Variants in RERE observed in about 807,000 individuals in gnomAD.
RERE encodes arginine-glutamic acid dipeptide repeats protein.
In RERE, 40 loss-of-function variants were observed where a neutral mutation model predicts 146.1. The observed-to-expected ratio is 0.27, with a 90% CI of 0.21 to 0.36. RERE has a LOEUF of 0.36. Ranked by LOEUF, RERE falls within the 10% of genes least tolerant of loss-of-function variation. RERE has a pLI of 1.00. For missense variants in RERE, 1,933 were observed against 2,138.7 expected (o/e 0.90, Z 1.90); for synonymous variants, 1,003 against 866.0 (o/e 1.16, Z -2.78).
At chr1:8,545,277 G>A (rs140331227) in intron 6 of RERE, among the ~76,000 whole-genome samples, 1 of 152,290 alleles carries the variant, frequency 6.6e-6, no homozygotes, top group African/African-American at 2.4e-5. Flanking sequence ...TCATTCAACA[G>A]TAAAAAAGGC....
chr1:8,690,421 T>C (rs889567163), intron 1 of RERE, among the ~76,000 whole-genome samples: 1 of 152,158 alleles, frequency 6.6e-6, no homozygotes, highest in African/African-American at 2.4e-5. Context: ...GGCTTGAACA[T>C]AGGAATTTTG....
At chr1:8,379,743 G>A (rs1177516326) in intron 12 of RERE, among the ~76,000 whole-genome samples, 4 of 152,176 alleles carry the variant, frequency 2.6e-5, no homozygotes, top group Admixed American at 1.3e-4. Flanking sequence ...CTAGGAAACC[G>A]CTCCCTACTC....
intron 7 of RERE, among the ~76,000 whole-genome samples, chr1:8,532,830 G>A (rs897698135): frequency 6.6e-6 from 1 of 151,968 alleles, no homozygotes; most frequent in Non-Finnish European, 1.5e-5. Context: ...CCTGACCTCG[G>A]GTGATCCACC....
intron 6 of RERE, among the ~76,000 whole-genome samples, chr1:8,553,085 G>A (rs939026639): frequency 4.9e-5 from 7 of 143,584 alleles, no homozygotes; most frequent in South Asian, 4.4e-4. Context: ...CCACATATAC[G>A]CGTGCAACAC....
rs774921292 is a variant in RERE at position 8,360,355 on chromosome 1, G to C, written c.3152C>G (p.Thr1051Ser). 1.3e-6 allele frequency: 2 copies of C among 1,486,930 alleles called. No individual in the cohort carries two copies. Among genetic ancestry groups the C allele is most frequent in the Admixed American group, 2.3e-5 (1 of 43,684 alleles). The allele number at this position is 1,486,930 out of a possible 1,614,324, so 92.1% of individuals were successfully genotyped here. A position where few individuals can be genotyped will look rare whatever the true frequency, so the allele number is the denominator to read the frequency against. Residue 1051 changes from threonine (T) to serine (S), a missense_variant, in exon 18 of 23, where the codon ACC becomes AGC. Physicochemically the swap from Thr to Ser is moderately conservative, Grantham distance 58. This residue lies in a region of RERE where 1,255 missense variants were observed against 1,153.8 expected (regional missense o/e 1.09). Coordinates refer to ENST00000400908, the MANE Select transcript of RERE (RefSeq NM_001042681.2). ...CGGTGGGGTAGAGGTGGAGGGGCAG[G>C]TCGGAGGGGTGATGGGAGGAGGGCC... is the stretch of plus-strand genomic sequence containing the variant. ...PGGPPPITPP[T>S]CPSTSTPPAG... is the part of the protein sequence containing the mutation.
At chr1:8,789,301 A>AAAAAAAAAAAAAAATATAT in intron 1 of RERE, among the ~76,000 whole-genome samples, 1 of 24,814 alleles carries the variant, frequency 4.0e-5, no homozygotes, top group African/African-American at 2.3e-4. Flanking sequence ...AAAAAAAAAA[A>AAAAAAAAAAAAAAATATAT]ATATATATAT....
chr1:8,492,939 A>C (rs945789593), intron 10 of RERE, among the ~76,000 whole-genome samples: 2 of 152,002 alleles, frequency 1.3e-5, no homozygotes, highest in African/African-American at 4.8e-5. Context: ...GCGGTGGCAC[A>C]TGCCTGTAAT....
intron 6 of RERE, among the ~76,000 whole-genome samples, chr1:8,556,008 A>G (rs527901542): frequency 1.3e-5 from 2 of 152,286 alleles, no homozygotes; most frequent in South Asian, 2.1e-4. Flanking sequence ...ACACGCTGCC[A>G]TATCTGCTTC....
chr1:8,398,059 G>GT (rs748472340), intron 12 of RERE, among the ~76,000 whole-genome samples: 4 of 152,232 alleles, frequency 2.6e-5, no homozygotes, highest in Non-Finnish European at 5.9e-5. Flanking sequence ...GAGGCATGAT[G>GT]TTCTACAGGG....
At chr1:8,501,063 A>G (rs1352259913) in intron 8 of RERE, among the ~76,000 whole-genome samples, 3 of 67,278 alleles carry the variant, frequency 4.5e-5, no homozygotes, top group African/African-American at 1.1e-4. Flanking sequence ...CCGCCCGGCC[A>G]GCCGCCCCGT....
chr1:8,650,921 T>TTAAA (rs201047086), intron 2 of RERE, among the ~76,000 whole-genome samples: 2,207 of 144,394 alleles, frequency 0.015, 62 homozygotes, highest in African/African-American at 0.054. Context: ...TTAAATTAAA[T>TTAAA]TAAATAAATA....
intron 1 of RERE, among the ~76,000 whole-genome samples, chr1:8,661,889 T>G (rs1039882588): frequency 2.6e-5 from 4 of 152,152 alleles, no homozygotes; most frequent in Non-Finnish European, 5.9e-5. Flanking sequence ...AGTACAACTT[T>G]TTGACAAAAC....
intron 11 of RERE, among the ~76,000 whole-genome samples, chr1:8,434,122 C>G (rs995989493): frequency 6.6e-6 from 1 of 152,136 alleles, no homozygotes; most frequent in Non-Finnish European, 1.5e-5. Flanking sequence ...TATTCCATCA[C>G]CCCACCACTA....
At chr1:8,513,559 A>C (rs1428614334) in intron 7 of RERE, among the ~76,000 whole-genome samples, 1 of 152,196 alleles carries the variant, frequency 6.6e-6, no homozygotes, top group Admixed American at 6.5e-5. Context: ...TGGGAGGATC[A>C]CTTGAGGTCA....
chr1:8,431,846 C>T (rs757362368), intron 11 of RERE, among the ~76,000 whole-genome samples: 75 of 152,276 alleles, frequency 4.9e-4, no homozygotes, highest in Non-Finnish European at 8.8e-4. Context: ...CTCCCTGTGG[C>T]CCTATTTCTG....
intron 4 of RERE, among the ~76,000 whole-genome samples, chr1:8,580,064 C>G (rs1646345188): frequency 6.6e-6 from 1 of 152,132 alleles, no homozygotes; most frequent in African/African-American, 2.4e-5. Flanking sequence ...CAAGTATCAA[C>G]AGTAAAATCG....
rs564396981 is a variant in RERE at position 8,541,148 on chromosome 1, T to A, written c.830+66A>T. On this transcript the variant is annotated intron_variant, in intron 7 of 22. Coordinates refer to ENST00000400908, the MANE Select transcript of RERE (RefSeq NM_001042681.2). ...AGCATAAACTACACACACACACACA[T>A]ACACACACACACAAATGAGAAAAGG... 10 of 803,334 alleles carry A rather than the reference T, an allele frequency of 1.2e-5. No individual in the cohort carries two copies. In the African/African-American group the frequency reaches 1.6e-4, roughly 13 times the overall value. The allele number at this position is 803,334 out of a possible 1,614,324, so 49.8% of individuals were successfully genotyped here.
At chr1:8,426,762 C>T (rs943185064) in intron 11 of RERE, among the ~76,000 whole-genome samples, 1 of 152,170 alleles carries the variant, frequency 6.6e-6, no homozygotes. Flanking sequence ...AGCCAGATGT[C>T]CAGTAATGCC....
intron 10 of RERE, among the ~76,000 whole-genome samples, chr1:8,481,424 G>A (rs1232360800): frequency 6.6e-6 from 1 of 152,080 alleles, no homozygotes; most frequent in African/African-American, 2.4e-5. Flanking sequence ...CGATTAACCA[G>A]ACATTTCAAG....
Sources: allele counts gnomAD v4.1 joint callset (sites outside exome capture counted in the v4.1 genomes callset), GRCh38; gene constraint gnomAD v4.1.1; regional missense constraint gnomAD v4.1.1; transcripts MANE v1.5; gene names NCBI Gene and HGNC (gene_info 2026-07-23, HGNC 2026-07-21).